The following ATG101 variants were observed in gnomAD, a reference collection of about 807,000 sequenced individuals.
The protein encoded by ATG101 is autophagy related 101.
In ATG101, 6 loss-of-function variants were observed where a neutral mutation model predicts 16.7. The ratio of observed to expected loss-of-function variants is 0.36; its 90% CI spans 0.20 to 0.71. The LOEUF is 0.71. Ranked by LOEUF, ATG101 falls within the 30% of genes least tolerant of loss-of-function variation. The probability of loss-of-function intolerance (pLI) is 0.57; values close to 1 mark genes in which losing one functional copy is unlikely to be tolerated. For synonymous variants in ATG101, 108 were observed against 118.1 expected, an observed-to-expected ratio of 0.91 and a Z score of 0.56; for missense variants, 200 against 292.5, an observed-to-expected ratio of 0.68 and a Z score of 2.31.
At chr12:52,068,737 A>G (rs535774102), upstream of ATG101, among the ~76,000 whole-genome samples, 134 of 152,218 alleles carry the variant, frequency 8.8e-4, no homozygotes, top group Non-Finnish European at 6.3e-4. Context: ...CTGTAATCCC[A>G]GCACTTTGGG....
In ATG101 at chr12:52,073,806, C is replaced by G; in HGVS notation, c.156C>G (p.Thr52=). The G allele has an allele frequency of 6.2e-7, 1 of 1,614,192 alleles. No individual in the cohort carries two copies. The highest frequency in any genetic ancestry group is 8.5e-7 in the Non-Finnish European group (1 of 1,180,036). ...EGTYSIGTVG[T]QDVDCDFIDF... ...CCTACTCCATTGGCACCGTGGGCACCCAGGATGTTGACTGTGACTTCATCG... is the reference window on the plus strand; with the variant it reads ...CCTACTCCATTGGCACCGTGGGCACGCAGGATGTTGACTGTGACTTCATCG... The change falls in exon 3 of 4, where the codon ACC becomes ACG. Residue 52 remains threonine (T), a synonymous_variant. Transcript: ENST00000336854.
intron 3 of ATG101, among the ~76,000 whole-genome samples, chr12:52,076,393 G>A (rs998434704): frequency 3.3e-5 from 5 of 152,186 alleles, no homozygotes; most frequent in Non-Finnish European, 5.9e-5. Flanking sequence ...TGTGACTCTC[G>A]CAAGTTACCT....
rs143493482 is a variant in ATG101 at position 52,072,633 on chromosome 12, G to T, written c.-76-942G>T. 5.1e-3 allele frequency among the ~76,000 whole-genome samples: 768 copies of T among 151,350 alleles called. 4 individuals are homozygous for T. The highest frequency in any genetic ancestry group is 0.016 in the African/African-American group (639 of 40,672). On this transcript the variant is annotated intron_variant, in intron 2 of 3. Coordinates refer to ENST00000336854, the MANE Select transcript of ATG101 (RefSeq NM_021934.5). Reference sequence around the variant, plus strand: ...AGATTTGGTATATGTGTGTGTGTGAGAGTCATGTTTTTAAAGCCCAGTCTT... The same window carrying T: ...AGATTTGGTATATGTGTGTGTGTGATAGTCATGTTTTTAAAGCCCAGTCTT...
At chr12:52,068,711 T>G (rs1254750395), upstream of ATG101, among the ~76,000 whole-genome samples, 2 of 151,574 alleles carry the variant, frequency 1.3e-5, no homozygotes, top group Admixed American at 6.6e-5. Flanking sequence ...TCCTGGCCGG[T>G]CGCGGTGGCT....
At chr12:52,072,362 A>T (rs1018487321) in intron 2 of ATG101, among the ~76,000 whole-genome samples, 3 of 152,198 alleles carry the variant, frequency 2.0e-5, no homozygotes, top group African/African-American at 7.2e-5. Context: ...TACTATCCCC[A>T]TTTACAGATA....
upstream of ATG101, among the ~76,000 whole-genome samples, chr12:52,068,701 T>C (rs1298189392): frequency 6.6e-6 from 1 of 151,784 alleles, no homozygotes; most frequent in Non-Finnish European, 1.5e-5. Flanking sequence ...TAAGAATGCC[T>C]CCTGGCCGGT....
upstream of ATG101, among the ~76,000 whole-genome samples, chr12:52,067,807 G>C (rs562372997): frequency 6.6e-6 from 1 of 150,964 alleles, no homozygotes; most frequent in East Asian, 2.0e-4. Context: ...TGTTGGTTAG[G>C]CTGGTCTCGA....
Position 52,077,054 on chromosome 12 carries a change from T to C in ATG101, c.521T>C (p.Val174Ala). Residue 174 changes from valine (V) to alanine (A), a missense_variant, in exon 4 of 4, where the codon GTG becomes GCG. Coordinates refer to ENST00000336854, the MANE Select transcript of ATG101 (RefSeq NM_021934.5). ...YLPKMPTQSE[V>A]DNVFDTGLRD... ...CCCAAGATGCCCACACAGTCGGAGG[T>C]GGATAACGTGTTTGACACAGGCTTG... The C allele has an allele frequency of 6.2e-7, 1 of 1,613,970 alleles. No individual in the cohort carries two copies. The highest frequency in any genetic ancestry group is 8.5e-7 in the Non-Finnish European group (1 of 1,180,000).
At chr12:52,068,984 C>A (rs1429705424), upstream of ATG101, among the ~76,000 whole-genome samples, 3 of 78,768 alleles carry the variant, frequency 3.8e-5, no homozygotes, top group Admixed American at 2.4e-4. Context: ...GAGCGAGACG[C>A]CGTCTCAAAA....
chr12:52,068,667 C>T (rs773351045), upstream of ATG101, among the ~76,000 whole-genome samples: 33 of 152,038 alleles, frequency 2.2e-4, no homozygotes, highest in Non-Finnish European at 3.4e-4. Context: ...AGAAAATGAG[C>T]ATGGTAATCC....
At position 52,076,966 on chromosome 12, in the gene ATG101, GGTGAGAAACTCT is replaced by G; in HGVS notation, c.435_446del (p.Leu148_Lys151del). 1 of 1,614,192 alleles carries G rather than the reference GGTGAGAAACTCT, an allele frequency of 6.2e-7. No individual in the cohort carries two copies. The highest frequency in any genetic ancestry group is 2.2e-5 in the East Asian group (1 of 44,882). ...GCGGCAGATCTGCCGGGAGAAGGTG[GGTGAGAAACTCT>G]GCGAGAAGATCATCAACATCGTGGA... is the stretch of plus-strand genomic sequence containing the variant. On this transcript the variant is annotated inframe_deletion, in exon 4 of 4. Transcript: ENST00000336854.
At chr12:52,067,397 A>G (rs942605958), upstream of ATG101, among the ~76,000 whole-genome samples, 8 of 152,204 alleles carry the variant, frequency 5.3e-5, no homozygotes, top group African/African-American at 1.9e-4. Flanking sequence ...GCAGGTGTGA[A>G]GCATTTATCA....
intron 2 of ATG101, chr12:52,071,383 C>A (rs1281504453): frequency 1.3e-5 from 2 of 152,178 alleles, no homozygotes; most frequent in Non-Finnish European, 2.9e-5. Context: ...TGGGGACCTT[C>A]AGCCTGTAGA....
upstream of ATG101, among the ~76,000 whole-genome samples, chr12:52,069,022 A>C (rs1337498621): frequency 1.4e-5 from 2 of 140,648 alleles, no homozygotes; most frequent in Non-Finnish European, 3.1e-5. Context: ...AAAAAAAAAA[A>C]TACTGCCTCC....
At chr12:52,067,442 T>G, upstream of ATG101, among the ~76,000 whole-genome samples, 1 of 151,818 alleles carries the variant, frequency 6.6e-6, no homozygotes, top group Admixed American at 6.6e-5. Context: ...TATTGGAGAG[T>G]GGTGGTACAT....
chr12:52,074,765 C>T (rs1022080065), intron 3 of ATG101, among the ~76,000 whole-genome samples: 3 of 152,038 alleles, frequency 2.0e-5, no homozygotes, highest in Admixed American at 1.3e-4. Flanking sequence ...TCAAGACCAG[C>T]CCTGGAAACA....
At chr12:52,072,501 A>G (rs1052663485) in intron 2 of ATG101, among the ~76,000 whole-genome samples, 1 of 152,166 alleles carries the variant, frequency 6.6e-6, no homozygotes. Context: ...CTGTAACTAC[A>G]TCTACTGTAG....
At position 52,076,820 on chromosome 12, in the gene ATG101, G is replaced by A. The variant is rs1321002975; in HGVS notation, c.287G>A (p.Gly96Glu). ...ALRNSGGDGL[G>E]QMSLEFYQKK... ...CGCAACTCTGGTGGCGATGGGCTGG[G>A]GCAGATGTCCTTGGAGTTCTACCAG... Residue 96 changes from glycine to glutamate, a missense_variant, in exon 4 of 4, where the codon GGG becomes GAG. Coordinates refer to ENST00000336854, the MANE Select transcript of ATG101 (RefSeq NM_021934.5). 1 of 1,614,160 alleles carries A rather than the reference G, an allele frequency of 6.2e-7. No individual in the cohort carries two copies. Among genetic ancestry groups the A allele is most frequent in the Non-Finnish European group, 8.5e-7 (1 of 1,180,032 alleles).
At chr12:52,068,129 C>A (rs1235491181), upstream of ATG101, among the ~76,000 whole-genome samples, 1 of 151,490 alleles carries the variant, frequency 6.6e-6, no homozygotes, top group Admixed American at 6.6e-5. Context: ...TCATTGCAAC[C>A]TCCACCTCCC....
Sources: gnomAD v4.1 joint callset for allele counts (sites outside exome capture counted in the v4.1 genomes callset) on GRCh38, gnomAD v4.1.1 for gene constraint, MANE v1.5 for transcripts, NCBI Gene and HGNC (gene_info 2026-07-23, HGNC 2026-07-21) for gene names.